The following CSMD1 variants were observed in gnomAD, a reference collection of about 807,000 sequenced individuals.
The protein encoded by CSMD1 is CUB and Sushi multiple domains 1, also known as CUB and sushi domain-containing protein 1.
A neutral mutation model predicts 417.5 loss-of-function variants in CSMD1; 213 were observed. The ratio of observed to expected loss-of-function variants is 0.51; its 90% CI spans 0.46 to 0.57. The LOEUF (loss-of-function observed/expected upper bound fraction) is 0.57, where lower values mean the gene tolerates loss of function less well. Ranked by LOEUF, CSMD1 falls within the 20% of genes least tolerant of loss-of-function variation. The pLI is 0.00. For synonymous variants in CSMD1, 2,862 were observed against 1,736.8 expected (o/e 1.65, Z -16.11); for missense variants, 6,923 against 4,529.7 (o/e 1.53, Z -15.17).
chr8:4,415,968 C>G (rs1026559991), intron 3 of CSMD1, among the ~76,000 whole-genome samples: 2 of 152,084 alleles, frequency 1.3e-5, no homozygotes, highest in African/African-American at 4.8e-5. Context: ...TCTCGGGAAA[C>G]TAAAGTACTG....
intron 26 of CSMD1, among the ~76,000 whole-genome samples, chr8:3,249,430 G>T (rs1175771835): frequency 6.6e-6 from 1 of 152,070 alleles, no homozygotes; most frequent in Non-Finnish European, 1.5e-5. Flanking sequence ...CACCATGTTG[G>T]CCAGGCTGGC....
intron 1 of CSMD1, among the ~76,000 whole-genome samples, chr8:4,824,477 G>T (rs1391886949): frequency 1.3e-5 from 2 of 152,068 alleles, no homozygotes; most frequent in African/African-American, 4.8e-5. Flanking sequence ...CTTGTTTAAA[G>T]AAATAGAATG....
At chr8:3,054,609 C>A (rs1387734786) in intron 49 of CSMD1, among the ~76,000 whole-genome samples, 7 of 141,188 alleles carry the variant, frequency 5.0e-5, no homozygotes, top group African/African-American at 1.8e-4. Context: ...TAGAGCAAGG[C>A]CCTGTCTCAA....
At chr8:2,999,711 A>C (rs961567653) in intron 53 of CSMD1, among the ~76,000 whole-genome samples, 1 of 152,090 alleles carries the variant, frequency 6.6e-6, no homozygotes, top group Non-Finnish European at 1.5e-5. Flanking sequence ...ATTTACAATG[A>C]ATTGATAAGC....
intron 1 of CSMD1, among the ~76,000 whole-genome samples, chr8:4,662,147 T>C (rs1036166945): frequency 2.0e-5 from 3 of 152,172 alleles, no homozygotes; most frequent in Non-Finnish European, 2.9e-5. Context: ...AATATATAAA[T>C]TTCAAAGGAA....
chr8:4,523,434 A>G (rs1287205261), intron 2 of CSMD1, among the ~76,000 whole-genome samples: 2 of 152,174 alleles, frequency 1.3e-5, no homozygotes, highest in African/African-American at 4.8e-5. Context: ...ACTGGTTCAG[A>G]AGGTGTAAAA....
rs75565758 is a variant in CSMD1, at chr8:3,979,431, C to G, written c.818+18472G>C. ...TACATGGAAAAGCTGCAGGAGAAGG[C>G]GTTGATAAATGTGCATGCAACTCAC... On this transcript the variant is annotated intron_variant, in intron 5 of 69. Coordinates refer to ENST00000635120, the MANE Select transcript of CSMD1 (RefSeq NM_033225.6). Among the ~76,000 whole-genome samples the G allele has an allele frequency of 1.1e-4, 17 of 152,214 alleles. No individual in the cohort carries two copies. The East Asian group carries it at 3.1e-3, about 28-fold the overall frequency.
chr8:3,663,922 T>C (rs1157963146), intron 7 of CSMD1, among the ~76,000 whole-genome samples: 3 of 152,204 alleles, frequency 2.0e-5, no homozygotes, highest in Non-Finnish European at 4.4e-5. Context: ...AACTGAGTCA[T>C]GTTTCAGATA....
intron 10 of CSMD1, among the ~76,000 whole-genome samples, chr8:3,508,356 A>G (rs112392247): frequency 0.24 from 33,117 of 139,680 alleles, 4,436 homozygotes; most frequent in East Asian, 0.5. Context: ...GGGGCCTGTT[A>G]TGGGGCAGGG....
chr8:4,377,218 G>C (rs941206203), intron 3 of CSMD1, among the ~76,000 whole-genome samples: 2 of 152,182 alleles, frequency 1.3e-5, no homozygotes, highest in East Asian at 1.9e-4. Flanking sequence ...GAGCGCAAAA[G>C]AGGAAAATAA....
At chr8:3,759,125 G>A (rs1797844128) in intron 5 of CSMD1, among the ~76,000 whole-genome samples, 1 of 152,192 alleles carries the variant, frequency 6.6e-6, no homozygotes, top group Non-Finnish European at 1.5e-5. Context: ...ATAAACACGT[G>A]TTGGTTTAAG....
chr8:4,754,096 T>C (rs1180617527), intron 1 of CSMD1, among the ~76,000 whole-genome samples: 1 of 152,160 alleles, frequency 6.6e-6, no homozygotes, highest in Admixed American at 6.5e-5. Context: ...ATGTGAAATA[T>C]GAATCGTATG....
intron 12 of CSMD1, among the ~76,000 whole-genome samples, chr8:3,435,767 G>C (rs1051986189): frequency 1.3e-5 from 2 of 152,146 alleles, no homozygotes; most frequent in African/African-American, 4.8e-5. Flanking sequence ...ATGTGTGTCA[G>C]GTCAGGCAAC....
chr8:4,441,098 T>TTTTTTTTTTTTTTG (rs1798448002), intron 2 of CSMD1, among the ~76,000 whole-genome samples: 2 of 95,784 alleles, frequency 2.1e-5, no homozygotes, highest in African/African-American at 7.8e-5. Context: ...TCAAAAGGTT[T>TTTTTTTTTTTTTTG]TTTTTTTTTT....
chr8:4,464,747 G>C (rs1236344980), intron 2 of CSMD1, among the ~76,000 whole-genome samples: 2 of 152,120 alleles, frequency 1.3e-5, no homozygotes, highest in Admixed American at 1.3e-4. Context: ...AGCATCCGTT[G>C]CTTTAAGGCG....
At chr8:4,812,021 G>A (rs922027359) in intron 1 of CSMD1, among the ~76,000 whole-genome samples, 2 of 152,112 alleles carry the variant, frequency 1.3e-5, no homozygotes, top group Admixed American at 1.3e-4. Context: ...ATTACAGCAG[G>A]AGTCAAGCCC....
chr8:3,632,037 A>G (rs565145981), intron 7 of CSMD1, among the ~76,000 whole-genome samples: 1 of 152,238 alleles, frequency 6.6e-6, no homozygotes, highest in Non-Finnish European at 1.5e-5. Context: ...TTCAATCAGC[A>G]TTATTTACAT....
intron 7 of CSMD1, among the ~76,000 whole-genome samples, chr8:3,675,869 G>T (rs1054525329): frequency 7.2e-5 from 11 of 152,118 alleles, no homozygotes; most frequent in African/African-American, 2.4e-4. Context: ...CTAGACTAAC[G>T]CTACTTCTCA....
intron 5 of CSMD1, among the ~76,000 whole-genome samples, chr8:3,873,390 C>T (rs1190341480): frequency 6.6e-6 from 1 of 152,022 alleles, no homozygotes; most frequent in Admixed American, 6.6e-5. Context: ...AAAATGAGAT[C>T]ATGTCCTTGG....
Sources: allele counts gnomAD v4.1 joint callset (sites outside exome capture counted in the v4.1 genomes callset), GRCh38; gene constraint gnomAD v4.1.1; transcripts MANE v1.5; gene names NCBI Gene and HGNC (gene_info 2026-07-23, HGNC 2026-07-21).